DEPDC7: variants seen among roughly 807,000 people sequenced by gnomAD.
DEPDC7 encodes DEP domain-containing protein 7.
Under a neutral mutation model 56.6 loss-of-function variants are expected in DEPDC7, and 41 were observed. That is an observed-to-expected ratio of 0.72 (90% CI 0.56 to 0.94). DEPDC7 has a LOEUF of 0.94. DEPDC7 is among the 40% of genes least tolerant of loss of function. DEPDC7 has a pLI of 0.00. For synonymous variants in DEPDC7, 185 were observed against 208.8 expected (o/e 0.89, Z 0.98); for missense variants, 522 against 596.3 (o/e 0.88, Z 1.30).
At chr11:33,022,800 A>G (rs1035222922) in intron 1 of DEPDC7, among the ~76,000 whole-genome samples, 4 of 152,174 alleles carry the variant, frequency 2.6e-5, no homozygotes, top group Non-Finnish European at 5.9e-5. Context: ...ATACTGTACC[A>G]AGAGTAGATC....
chr11:33,019,338 C>T (rs1292994003), intron 1 of DEPDC7, among the ~76,000 whole-genome samples: 1 of 152,114 alleles, frequency 6.6e-6, no homozygotes, highest in African/African-American at 2.4e-5. Flanking sequence ...TATAATCACC[C>T]ACTGAGAACC....
intron 4 of DEPDC7, among the ~76,000 whole-genome samples, chr11:33,029,126 T>C (rs1452237789): frequency 6.6e-6 from 1 of 151,452 alleles, no homozygotes; most frequent in Non-Finnish European, 1.5e-5. Context: ...GAAACAGATT[T>C]GACAGATTAT....
In DEPDC7 at chr11:33,033,292, G is replaced by T; in HGVS notation, c.1373G>T (p.Arg458Leu). ...ATTTATTGCCAGAGAATTGATCAAC[G>T]TGACTATTCCAACAATACAGAGAAG... The part of the protein sequence containing the change: ...GYIYCQRIDQ[R>L]DYSNNTEKTT... Residue 458 changes from arginine to leucine, a missense_variant, in exon 9 of 9, where the codon CGT becomes CTT. Arg to Leu is a moderately radical substitution (Grantham distance 102). Transcript: ENST00000241051. The T allele has an allele frequency of 6.3e-7, 1 of 1,598,736 alleles. No individual in the cohort carries two copies. The highest frequency in any genetic ancestry group is 1.1e-5 in the South Asian group (1 of 87,624).
intron 1 of DEPDC7, among the ~76,000 whole-genome samples, chr11:33,023,687 C>G (rs1408895574): frequency 6.6e-6 from 1 of 152,166 alleles, no homozygotes. Context: ...TGCCTGCTAC[C>G]ACGCCCGGCC....
intron 1 of DEPDC7, among the ~76,000 whole-genome samples, chr11:33,021,693 G>A (rs575825154): frequency 5.9e-5 from 9 of 152,250 alleles, no homozygotes; most frequent in Admixed American, 3.3e-4. Flanking sequence ...AATATCCCAG[G>A]ATGCAATGGT....
chr11:33,021,929 T>G (rs1853528181), intron 1 of DEPDC7, among the ~76,000 whole-genome samples: 1 of 152,222 alleles, frequency 6.6e-6, no homozygotes, highest in Admixed American at 6.5e-5. Context: ...AAGATTAGCC[T>G]TTTCTACTCA....
chr11:33,016,064 G>GGCGGGCTGGGGTGC (rs1214839799), intron 1 of DEPDC7, 36 bp downstream of exon 1: 15 of 1,409,880 alleles, frequency 1.1e-5, no homozygotes, highest in Non-Finnish European at 1.4e-5. Context: ...GATGGCGCGG[G>GGCGGGCTGGGGTGC]GCGGGCTGGG....
intron 1 of DEPDC7, among the ~76,000 whole-genome samples, chr11:33,021,249 C>CAA (rs761364901): frequency 1.6e-4 from 18 of 115,832 alleles, no homozygotes; most frequent in Admixed American, 3.7e-4. Flanking sequence ...GACACCATCT[C>CAA]AAAAAAAAAA....
Position 33,027,824 on chromosome 11 carries a change from G to A in DEPDC7, c.592+11G>A. ...CCTTGTCTCCACAAGGTAAGCTAAG[G>A]ATGAAGCAAAGTAAGAAGTAGAAGA... On this transcript the variant is annotated intron_variant, in intron 3 of 8. Coordinates refer to ENST00000241051, the MANE Select transcript of DEPDC7 (RefSeq NM_001077242.2). 6.5e-7 allele frequency: 1 copy of A among 1,528,664 alleles called. No individual in the cohort carries two copies. The highest frequency in any genetic ancestry group is 8.7e-7 in the Non-Finnish European group (1 of 1,146,308). The allele number at this position is 1,528,664 out of a possible 1,614,324, so 94.7% of individuals were successfully genotyped here.
At position 33,032,937 on chromosome 11, in the gene DEPDC7, C is replaced by G. The variant is rs747521659; in HGVS notation, c.1312C>G (p.Gln438Glu). The G allele has an allele frequency of 6.9e-6, 11 of 1,603,392 alleles. 1 individual carries two copies. Among genetic ancestry groups the G allele is most frequent in the Middle Eastern group, 1.7e-4 (1 of 6,002 alleles). The change falls in exon 8 of 9, where the codon CAG becomes GAG. Residue 438 changes from glutamine to glutamate, a missense_variant. Transcript: ENST00000241051. ...TGTAAGTGTTAAGCTTATGGCCATA[C>G]AGAACGGAAGAGATCCAAATAGAGA... Reference protein sequence around the residue: ...KIVSVKLMAIQNGRDPNRDAG... With the variant: ...KIVSVKLMAIENGRDPNRDAG...
intron 1 of DEPDC7, among the ~76,000 whole-genome samples, chr11:33,024,461 C>T (rs1263083571): frequency 6.7e-6 from 1 of 149,204 alleles, no homozygotes; most frequent in Non-Finnish European, 1.5e-5. Context: ...TACAATCATG[C>T]GTAGTGTAAT....
intron 2 of DEPDC7, among the ~76,000 whole-genome samples, chr11:33,027,105 A>G (rs574808203): frequency 1.3e-5 from 2 of 152,326 alleles, no homozygotes; most frequent in South Asian, 4.1e-4. Context: ...AGCATTTAGA[A>G]AAGTTATCTT....
Position 33,032,486 on chromosome 11 carries a change from TTTTG to T in DEPDC7, c.1137+12_1137+15del. ...TTTAAATTACAGAAAGAAGTAAGTC[TTTTG>T]TTTAACTGTTAGTTGTATTTAATAT... On this transcript the variant is annotated intron_variant, in intron 6 of 8. Coordinates refer to ENST00000241051, the MANE Select transcript of DEPDC7 (RefSeq NM_001077242.2). The T allele has an allele frequency of 6.4e-7, 1 of 1,553,476 alleles. No individual in the cohort carries two copies. Among genetic ancestry groups the T allele is most frequent in the Non-Finnish European group, 8.6e-7 (1 of 1,161,176 alleles).
At chr11:33,028,392 A>G (rs1853599599) in intron 3 of DEPDC7, 1 of 433,036 alleles carries the variant, frequency 2.3e-6, no homozygotes, top group South Asian at 6.6e-5. Context: ...CAAAGAATGA[A>G]AAGAATTCCT....
At chr11:33,027,092 T>C (rs978875515) in intron 2 of DEPDC7, among the ~76,000 whole-genome samples, 9 of 152,244 alleles carry the variant, frequency 5.9e-5, no homozygotes, top group African/African-American at 2.2e-4. Flanking sequence ...TTTGGAACTT[T>C]GGAGCATTTA....
rs775534730 is a variant in DEPDC7 at position 33,025,610 on chromosome 11, A to G, written c.74-49A>G. The G allele has an allele frequency of 2.3e-5, 36 of 1,537,344 alleles. 1 individual carries two copies. The South Asian group carries it at 4.3e-4, about 18-fold the overall frequency. On this transcript the variant is annotated intron_variant, in intron 1 of 8. Transcript: ENST00000241051. ...AAGGATTGCTTAGACCTTATTACAA[A>G]TGAACAAGGTACTAAATCCCAGTTT...
Position 33,031,363 on chromosome 11 carries a change from C to T in DEPDC7, c.783-15C>T, listed in dbSNP as rs772403104. The stretch of plus-strand genomic sequence containing the variant: ...TTCCCTTGCCTTTTAAATAATCTTC[C>T]CCTCTCCCCTATAGGGAAGATGAGT... On this transcript the variant is annotated splice_polypyrimidine_tract_variant and intron_variant, in intron 4 of 8. Transcript: ENST00000241051. 1 of 1,579,934 alleles carries T rather than the reference C, an allele frequency of 6.3e-7. No individual in the cohort carries two copies. The highest frequency in any genetic ancestry group is 1.7e-5 in the Admixed American group (1 of 59,950).
chr11:33,017,727 G>A (rs1853478856), intron 1 of DEPDC7, among the ~76,000 whole-genome samples: 2 of 152,178 alleles, frequency 1.3e-5, no homozygotes, highest in Non-Finnish European at 2.9e-5. Context: ...CTGGCAGGCA[G>A]CTTTGTACTT....
intron 1 of DEPDC7, among the ~76,000 whole-genome samples, chr11:33,017,645 G>T (rs1241913337): frequency 1.3e-5 from 2 of 152,160 alleles, no homozygotes; most frequent in African/African-American, 4.8e-5. Context: ...TAGTTGCCTT[G>T]TCATAGTTCC....
Sources: allele counts gnomAD v4.1 joint callset (sites outside exome capture counted in the v4.1 genomes callset), GRCh38; gene constraint gnomAD v4.1.1; transcripts MANE v1.5; gene names NCBI Gene and HGNC (gene_info 2026-07-23, HGNC 2026-07-21).